VWDE: variants seen among roughly 807,000 people sequenced by gnomAD.
VWDE encodes the protein von Willebrand factor D and EGF domains.
VWDE carries 207 observed loss-of-function variants against 178.4 expected under a neutral mutation model. The ratio of observed to expected loss-of-function variants is 1.16; its 90% CI spans 1.04 to 1.30. The LOEUF (loss-of-function observed/expected upper bound fraction) is 1.30, where lower values mean the gene tolerates loss of function less well. Among genes scored for constraint, VWDE ranks in the 50% most tolerant of loss-of-function variants. VWDE has a pLI of 0.00. For synonymous variants in VWDE, 738 were observed against 651.4 expected (o/e 1.13, Z -2.02); for missense variants, 2,287 against 1,901.3 (o/e 1.20, Z -3.77).
chr7:12,353,663 C>T (rs2128550760), intron 18 of VWDE, among the ~76,000 whole-genome samples: 1 of 152,252 alleles, frequency 6.6e-6, no homozygotes, highest in South Asian at 2.1e-4. Context: ...CTTCTTCCCA[C>T]CTTCAGATTT....
intron 3 of VWDE, among the ~76,000 whole-genome samples, chr7:12,386,622 T>G (rs191763418): frequency 6.6e-6 from 1 of 152,340 alleles, no homozygotes; most frequent in Admixed American, 6.5e-5. Context: ...CAGCTGCTGT[T>G]TGAGATGTTC....
intron 7 of VWDE, among the ~76,000 whole-genome samples, chr7:12,375,671 A>G (rs531509812): frequency 2.0e-5 from 3 of 152,060 alleles, no homozygotes; most frequent in African/African-American, 4.8e-5. Context: ...TCCATTGTTG[A>G]ATAGTAGCAA....
intron 18 of VWDE, among the ~76,000 whole-genome samples, chr7:12,355,187 T>G (rs867550912): frequency 2.6e-5 from 4 of 152,022 alleles, no homozygotes; most frequent in African/African-American, 9.7e-5. Flanking sequence ...GAGGCTGAGA[T>G]GGGCGGATCA....
At chr7:12,365,224 C>T (rs1184805577) in intron 13 of VWDE, among the ~76,000 whole-genome samples, 1 of 151,962 alleles carries the variant, frequency 6.6e-6, no homozygotes, top group Non-Finnish European at 1.5e-5. Flanking sequence ...AGTTGGACAA[C>T]TGGTAAATTT....
chr7:12,369,403 T>C, intron 12 of VWDE, 142 bp downstream of exon 12: 2 of 1,093,172 alleles, frequency 1.8e-6, no homozygotes, highest in Non-Finnish European at 2.5e-6. Flanking sequence ...AAGTTAGTAA[T>C]GTGTTCATTA....
Position 12,403,766 on chromosome 7 carries a change from G to A in VWDE, c.-50C>T. The stretch of plus-strand genomic sequence containing the variant: ...AGGCGTCGCAGAGCCCGGGCCGCGG[G>A]TGCCAGGAGGATGGGGCCACAGCAG... On this transcript the variant is annotated 5_prime_UTR_variant, in exon 1 of 29. Coordinates refer to ENST00000275358, the MANE Select transcript of VWDE (RefSeq NM_001135924.3). 1 of 1,542,886 alleles carries A rather than the reference G, an allele frequency of 6.5e-7. No homozygotes were observed. The highest frequency in any genetic ancestry group is 8.8e-7 in the Non-Finnish European group (1 of 1,140,450).
At chr7:12,367,579 G>C in intron 12 of VWDE, 86 bp from the exon 13 acceptor site, 4 of 1,152,264 alleles carry the variant, frequency 3.5e-6, no homozygotes, top group Non-Finnish European at 4.7e-6. Context: ...CAAATTAAAA[G>C]CATATGGAAA....
intron 22 of VWDE, among the ~76,000 whole-genome samples, chr7:12,342,673 TATTATG>T (rs1473583725): frequency 9.9e-4 from 150 of 151,606 alleles, no homozygotes; most frequent in African/African-American, 3.5e-3. Context: ...CATTTTCTAT[TATTATG>T]ATTATTATTA....
At chr7:12,331,237 A>G (rs977078363) in intron 28 of VWDE, 40 bp from the exon 29 acceptor site, 1 of 1,515,980 alleles carries the variant, frequency 6.6e-7, no homozygotes, top group Non-Finnish European at 8.9e-7. Context: ...AATGAATAGT[A>G]TAAAATCATT....
At chr7:12,334,994 T>C (rs191107142) in intron 27 of VWDE, among the ~76,000 whole-genome samples, 430 of 152,282 alleles carry the variant, frequency 2.8e-3, no homozygotes, top group South Asian at 8.1e-3. Context: ...AAGAAATGTA[T>C]ACATTACAAT....
chr7:12,369,764 GATC>G lies in VWDE; in HGVS notation c.2539_2541del (p.Asp847del). ...GCCACACCTGCTTCTGCCCAACTAAGATCATCTTTTAACAGAACATCCTTCACA... is the reference window on the plus strand; with the variant it reads ...GCCACACCTGCTTCTGCCCAACTAAGATCTTTTAACAGAACATCCTTCACA... On this transcript the variant is annotated inframe_deletion, in exon 12 of 29. Transcript: ENST00000275358. 1 of 1,551,506 alleles carries G rather than the reference GATC, an allele frequency of 6.4e-7. No individual in the cohort carries two copies. Among genetic ancestry groups the G allele is most frequent in the East Asian group, 2.4e-5 (1 of 40,900 alleles).
intron 28 of VWDE, among the ~76,000 whole-genome samples, chr7:12,332,221 A>C (rs1294494159): frequency 6.6e-6 from 1 of 152,122 alleles, no homozygotes; most frequent in African/African-American, 2.4e-5. Flanking sequence ...CAACAGAATA[A>C]AGCCAGAATG....
At chr7:12,398,373 T>C (rs1784723263) in intron 1 of VWDE, among the ~76,000 whole-genome samples, 1 of 152,138 alleles carries the variant, frequency 6.6e-6, no homozygotes, top group Non-Finnish European at 1.5e-5. Context: ...AACTGAAACT[T>C]ACCAGATTAC....
intron 23 of VWDE, 131 bp from the exon 24 acceptor site, chr7:12,340,548 T>C: frequency 3.3e-6 from 2 of 602,118 alleles, no homozygotes; most frequent in Non-Finnish European, 2.9e-6. Flanking sequence ...TAATGTATAA[T>C]TAATTAGACT....
At chr7:12,382,484 T>C (rs1783901115) in intron 4 of VWDE, among the ~76,000 whole-genome samples, 2 of 151,894 alleles carry the variant, frequency 1.3e-5, no homozygotes, top group Non-Finnish European at 2.9e-5. Context: ...GAATAGGGCA[T>C]GAAATAGAGC....
At chr7:12,333,928 T>C (rs1375332963) in intron 27 of VWDE, among the ~76,000 whole-genome samples, 1 of 152,124 alleles carries the variant, frequency 6.6e-6, no homozygotes. Flanking sequence ...TTTTTAACAT[T>C]AAGCAAAAAT....
chr7:12,393,663 G>T lies in VWDE; in HGVS notation c.174C>A (p.Ser58=). Residue 58 remains serine, a synonymous_variant, in exon 2 of 29, where the codon TCC becomes TCA. Transcript: ENST00000275358. ...SAVQDLICDH[S]LSPGWYRFLI... is the part of the protein sequence containing the mutation. ...GAAATCTATACCATCCAGGGGAGAG[G>T]GAATGGTCACATATTAGGTCTTGAA... The T allele has an allele frequency of 6.4e-7, 1 of 1,551,128 alleles. No individual in the cohort carries two copies. The highest frequency in any genetic ancestry group is 1.4e-5 in the African/African-American group (1 of 73,096).
intron 13 of VWDE, among the ~76,000 whole-genome samples, chr7:12,362,259 A>C (rs1251557413): frequency 6.6e-6 from 1 of 151,908 alleles, no homozygotes; most frequent in Non-Finnish European, 1.5e-5. Flanking sequence ...AAATGCACAC[A>C]TACTGAGTCT....
chr7:12,337,083 C>A lies in VWDE; in HGVS notation c.4463G>T (p.Ser1488Ile), dbSNP rs267601264. Residue 1488 changes from serine (S) to isoleucine (I), a missense_variant and splice_region_variant, in exon 26 of 29, where the codon AGC becomes ATC. By Grantham distance (142) the Ser-to-Ile change is moderately radical (BLOSUM62 -2). Coordinates refer to ENST00000275358, the MANE Select transcript of VWDE (RefSeq NM_001135924.3). ...ATTCATGCACGTAGGATCACAGATG[C>A]CTTAAGGTAAAAGCATGAAAAGTCA... is the stretch of plus-strand genomic sequence containing the variant. Reference protein sequence around the residue: ...EGYTGRRFQKSICDPTCMNGG... With the variant: ...EGYTGRRFQKIICDPTCMNGG... 9.0e-5 allele frequency: 140 copies of A among 1,551,384 alleles called. No individual in the cohort carries two copies. Among genetic ancestry groups the A allele is most frequent in the Middle Eastern group, 1.7e-4 (1 of 6,012 alleles).
Sources: allele counts gnomAD v4.1 joint callset (sites outside exome capture counted in the v4.1 genomes callset), GRCh38; gene constraint gnomAD v4.1.1; transcripts MANE v1.5; gene names NCBI Gene and HGNC (gene_info 2026-07-23, HGNC 2026-07-21).